The following NEBL variants were observed in gnomAD, a reference collection of about 807,000 sequenced individuals.
NEBL encodes LIM and SH3 protein 2.
In NEBL, 122 loss-of-function variants were observed where a neutral mutation model predicts 140.2. The ratio of observed to expected loss-of-function variants is 0.87; its 90% CI spans 0.75 to 1.01. NEBL has a LOEUF of 1.01. Among genes scored for constraint, NEBL ranks in the 50% least tolerant of loss-of-function variants. NEBL has a pLI of 0.00. For missense variants in NEBL, 1,365 were observed against 1,231.3 expected (o/e 1.11, Z -1.62); for synonymous variants, 436 against 398.9 (o/e 1.09, Z -1.11).
chr10:20,850,042 C>T (rs747331610), intron 11 of NEBL, among the ~76,000 whole-genome samples: 2 of 151,954 alleles, frequency 1.3e-5, no homozygotes, highest in African/African-American at 2.4e-5. Context: ...ACCAGCTATT[C>T]GTTTTTAGTT....
At chr10:21,144,044 GTGATTACTGACAA>G (rs1401679129) in intron 2 of NEBL, among the ~76,000 whole-genome samples, 2 of 152,202 alleles carry the variant, frequency 1.3e-5, no homozygotes, top group Non-Finnish European at 2.9e-5. Flanking sequence ...CAAGTATTTT[GTGATTACTGACAA>G]TAGTTATGTT....
At chr10:21,153,423 T>G (rs963793951) in intron 2 of NEBL, among the ~76,000 whole-genome samples, 1 of 152,032 alleles carries the variant, frequency 6.6e-6, no homozygotes, top group Non-Finnish European at 1.5e-5. Context: ...CGGGTTCAAG[T>G]GATTCTCCAG....
intron 3 of NEBL, among the ~76,000 whole-genome samples, chr10:20,982,174 T>C (rs1019953255): frequency 2.6e-5 from 4 of 152,170 alleles, no homozygotes; most frequent in Admixed American, 6.5e-5. Flanking sequence ...TCAAAAATCA[T>C]TTGCATATGG....
intron 2 of NEBL, among the ~76,000 whole-genome samples, chr10:21,098,169 G>A (rs1375681947): frequency 6.6e-6 from 1 of 151,612 alleles, no homozygotes; most frequent in Non-Finnish European, 1.5e-5. Flanking sequence ...CTTTCATGTA[G>A]GAGGATAGCA....
intron 3 of NEBL, among the ~76,000 whole-genome samples, chr10:20,965,100 A>C (rs74120574): frequency 0.026 from 3,977 of 152,298 alleles, 162 homozygotes; most frequent in African/African-American, 0.088. Context: ...CATTGCTTTC[A>C]TGGACAATCC....
intron 2 of NEBL, among the ~76,000 whole-genome samples, chr10:21,076,062 T>C (rs1836058090): frequency 6.6e-6 from 1 of 152,056 alleles, no homozygotes; most frequent in Non-Finnish European, 1.5e-5. Context: ...TGTGGAGAAA[T>C]TGGAACTTTT....
intron 3 of NEBL, among the ~76,000 whole-genome samples, chr10:21,244,357 A>T (rs1460661095): frequency 6.8e-6 from 1 of 147,944 alleles, no homozygotes; most frequent in Non-Finnish European, 1.5e-5. Flanking sequence ...TTTTTTCAGT[A>T]GAGACTTGGT....
intron 4 of NEBL, among the ~76,000 whole-genome samples, chr10:20,910,366 T>C (rs961512590): frequency 6.6e-6 from 1 of 152,248 alleles, no homozygotes; most frequent in Non-Finnish European, 1.5e-5. Context: ...CTTAAGTTCC[T>C]TATGTTATAC....
chr10:21,107,261 G>A (rs548968376), intron 2 of NEBL, among the ~76,000 whole-genome samples: 11 of 151,850 alleles, frequency 7.2e-5, no homozygotes, highest in Admixed American at 1.3e-4. Flanking sequence ...GTCTTGTGAC[G>A]GTTTTCAAAG....
chr10:20,894,250 A>T (rs1847256393), intron 2 of NEBL, among the ~76,000 whole-genome samples: 1 of 152,114 alleles, frequency 6.6e-6, no homozygotes, highest in South Asian at 2.1e-4. Flanking sequence ...CAGGAGAATC[A>T]CTTAAAGCCA....
At chr10:21,004,076 C>G (rs1838019031) in intron 3 of NEBL, among the ~76,000 whole-genome samples, 1 of 152,122 alleles carries the variant, frequency 6.6e-6, no homozygotes, top group African/African-American at 2.4e-5. Context: ...TACGCATACA[C>G]ATAAGTACGT....
At chr10:21,008,855 G>A (rs144679169) in intron 3 of NEBL, among the ~76,000 whole-genome samples, 1,991 of 151,880 alleles carry the variant, frequency 0.013, 53 homozygotes, top group African/African-American at 0.046. Flanking sequence ...TGCAAATAAG[G>A]GGTGTCTACT....
Position 20,852,586 on chromosome 10 carries a change from C to A in NEBL, c.967G>T (p.Glu323Ter). 6.2e-7 allele frequency: 1 copy of A among 1,613,768 alleles called. No homozygotes were observed. Among genetic ancestry groups the A allele is most frequent in the Non-Finnish European group, 8.5e-7 (1 of 1,179,924 alleles). ...GMYHFDADAV[E>*]HLHHKGNAVL... ...GCATTGCCTTTATGGTGCAGATGTTCCACAGCATCTGCATCAAAATGATAC... is the reference window on the plus strand; with the variant it reads ...GCATTGCCTTTATGGTGCAGATGTTACACAGCATCTGCATCAAAATGATAC... Residue 323 changes from glutamate (E) to a stop codon, truncating the protein, a stop_gained, in exon 10 of 28, where the codon GAA becomes TAA. Coordinates refer to ENST00000377122, the MANE Select transcript of NEBL (RefSeq NM_006393.3). LOFTEE classifies it high-confidence loss of function.
At chr10:20,930,526 G>T (rs1000885185) in intron 4 of NEBL, among the ~76,000 whole-genome samples, 4 of 152,122 alleles carry the variant, frequency 2.6e-5, no homozygotes, top group Non-Finnish European at 5.9e-5. Flanking sequence ...AAACTTTCAT[G>T]ACAGTGACAG....
intron 2 of NEBL, among the ~76,000 whole-genome samples, chr10:21,162,748 A>G (rs1270441749): frequency 1.3e-5 from 2 of 152,218 alleles, no homozygotes; most frequent in African/African-American, 4.8e-5. Flanking sequence ...ATTGAGGCAT[A>G]AAAAGTACAA....
chr10:21,020,287 C>CT, intron 2 of NEBL: 1 of 1,164,712 alleles, frequency 8.6e-7, no homozygotes, highest in South Asian at 1.2e-5. Flanking sequence ...CACATCCCCC[C>CT]TTTTCCCAAC....
At chr10:21,279,982 T>C (rs1842972011) in intron 1 of NEBL, among the ~76,000 whole-genome samples, 1 of 152,052 alleles carries the variant, frequency 6.6e-6, no homozygotes. Flanking sequence ...AGGTTAATTT[T>C]ATACTTTATT....
intron 2 of NEBL, among the ~76,000 whole-genome samples, chr10:21,063,305 A>T (rs533141190): frequency 6.6e-6 from 1 of 152,168 alleles, no homozygotes; most frequent in Non-Finnish European, 1.5e-5. Context: ...TCATTCCATG[A>T]TCACCATCAA....
At chr10:21,023,464 C>T (rs896273905) in intron 2 of NEBL, among the ~76,000 whole-genome samples, 9 of 152,064 alleles carry the variant, frequency 5.9e-5, no homozygotes, top group Non-Finnish European at 1.0e-4. Context: ...GAGGACGAGG[C>T]AGGTGGATCA....
Sources: gnomAD v4.1 joint callset for allele counts (sites outside exome capture counted in the v4.1 genomes callset) on GRCh38, gnomAD v4.1.1 for gene constraint, MANE v1.5 for transcripts, NCBI Gene and HGNC (gene_info 2026-07-23, HGNC 2026-07-21) for gene names.